Variants in TVP23C observed in about 807,000 individuals in gnomAD.
The protein encoded by TVP23C is Golgi apparatus membrane protein TVP23 homolog C.
A neutral mutation model predicts 28.7 loss-of-function variants in TVP23C; 19 were observed. That is an observed-to-expected ratio of 0.66 (90% CI 0.46 to 0.97). The LOEUF (loss-of-function observed/expected upper bound fraction) is 0.97, where lower values mean the gene tolerates loss of function less well. Ranked by LOEUF, TVP23C falls within the 50% of genes least tolerant of loss-of-function variation. The pLI is 0.00. For missense variants in TVP23C, 186 were observed against 241.3 expected, an observed-to-expected ratio of 0.77 and a Z score of 1.52; for synonymous variants, 68 against 81.7, an observed-to-expected ratio of 0.83 and a Z score of 0.90.
At chr17:15,519,334 T>C (rs1032705770) in intron 5 of TVP23C, among the ~76,000 whole-genome samples, 2 of 151,960 alleles carry the variant, frequency 1.3e-5, no homozygotes, top group African/African-American at 4.8e-5. Flanking sequence ...AAGCCAAGCA[T>C]GGTGGCTGCT....
chr17:15,524,708 G>C (rs57350285), intron 5 of TVP23C, among the ~76,000 whole-genome samples: 39,405 of 151,846 alleles, frequency 0.26, 5,815 homozygotes, highest in African/African-American at 0.41. Context: ...GGGTCCCAGA[G>C]GGATGCACAC....
chr17:15,512,518 G>A (rs1982042594), intron 5 of TVP23C, among the ~76,000 whole-genome samples: 2 of 152,132 alleles, frequency 1.3e-5, no homozygotes, highest in South Asian at 4.1e-4. Context: ...AATGTTCGAA[G>A]GTTCATAAGA....
chr17:15,508,259 G>A (rs1981852091), intron 5 of TVP23C, among the ~76,000 whole-genome samples: 2 of 152,224 alleles, frequency 1.3e-5, no homozygotes, highest in South Asian at 4.1e-4. Context: ...TGATTCTCTT[G>A]CCCACCTCCC....
At chr17:15,505,260 T>C (rs1448368930) in intron 5 of TVP23C, among the ~76,000 whole-genome samples, 1 of 152,214 alleles carries the variant, frequency 6.6e-6, no homozygotes, top group African/African-American at 2.4e-5. Context: ...TTTCCAATAT[T>C]CATGGAAATC....
intron 5 of TVP23C, among the ~76,000 whole-genome samples, chr17:15,516,828 G>A (rs1982248265): frequency 1.3e-5 from 2 of 152,170 alleles, no homozygotes; most frequent in African/African-American, 4.8e-5. Flanking sequence ...GTGTATCACA[G>A]ACCTGGGCAT....
chr17:15,534,786 T>C (rs2654274), downstream of TVP23C, among the ~76,000 whole-genome samples: 1,539 of 145,594 alleles, frequency 0.011, 9 homozygotes, highest in Non-Finnish European at 0.014. Context: ...CTGACCAACA[T>C]AGAGAAACCC....
At chr17:15,502,745 C>T (rs1037210754) in exon 6 of TVP23C, 6 of 1,020,544 alleles carry the variant, frequency 5.9e-6, no homozygotes, top group Non-Finnish European at 7.9e-6. Flanking sequence ...TCTCTCCTCT[C>T]TCCCGTCTCT....
At chr17:15,511,053 CAAAAAA>C (rs58794054) in intron 5 of TVP23C, among the ~76,000 whole-genome samples, 6 of 83,418 alleles carry the variant, frequency 7.2e-5, no homozygotes, top group South Asian at 5.7e-4. Flanking sequence ...GACTTCGTCT[CAAAAAA>C]AAAAAAAAAA....
At chr17:15,502,717 CT>C in exon 6 of TVP23C, 1 of 1,194,686 alleles carries the variant, frequency 8.4e-7, no homozygotes, top group Non-Finnish European at 1.1e-6. Flanking sequence ...CTTTCTCTCT[CT>C]CCTCTCTCTC....
chr17:15,563,172 A>ACC (rs368540118), intron 1 of TVP23C: 2 of 538,104 alleles, frequency 3.7e-6, no homozygotes, highest in African/African-American at 3.9e-5. Context: ...GGAAAGAGAG[A>ACC]CCCCCACTCG....
intron 5 of TVP23C, chr17:15,506,865 C>G: frequency 1.4e-6 from 1 of 708,342 alleles, no homozygotes; most frequent in Non-Finnish European, 2.5e-6. Context: ...CACTATCAGC[C>G]GTGGTCAACC....
chr17:15,512,510 T>G (rs543146340), intron 5 of TVP23C, among the ~76,000 whole-genome samples: 1 of 152,168 alleles, frequency 6.6e-6, no homozygotes, highest in Non-Finnish European at 1.5e-5. Context: ...ATCCCTGCAA[T>G]GTTCGAAGGT....
chr17:15,541,077 T>C (rs1983391780), intron 5 of TVP23C, among the ~76,000 whole-genome samples: 2 of 152,172 alleles, frequency 1.3e-5, no homozygotes, highest in African/African-American at 4.8e-5. Flanking sequence ...AACCGATGCC[T>C]GCCTTCCCCG....
chr17:15,502,858 T>A (rs757969191), exon 6 of TVP23C: 1 of 1,569,156 alleles, frequency 6.4e-7, no homozygotes, highest in African/African-American at 1.4e-5. Flanking sequence ...GATTTGTGGG[T>A]TGTTTTTAAT....
At chr17:15,510,190 G>A (rs1170855778) in intron 5 of TVP23C, among the ~76,000 whole-genome samples, 1 of 152,186 alleles carries the variant, frequency 6.6e-6, no homozygotes, top group Admixed American at 6.5e-5. Flanking sequence ...CGGGGTTCTA[G>A]TGAGGAGTTC....
intron 1 of TVP23C, among the ~76,000 whole-genome samples, chr17:15,556,384 T>C (rs1228693434): frequency 7.0e-6 from 1 of 142,634 alleles, no homozygotes; most frequent in African/African-American, 2.6e-5. Flanking sequence ...TTTTTTGAGA[T>C]GGAGTCTTGC....
At chr17:15,516,776 T>C (rs1393224463) in intron 5 of TVP23C, 1 of 152,186 alleles carries the variant, frequency 6.6e-6, no homozygotes, top group African/African-American at 2.4e-5. Flanking sequence ...AAGACTGTGT[T>C]TGAGGTGATG....
Position 15,538,666 on chromosome 17 carries a change from T to C in TVP23C, c.*1746A>G. On this transcript the variant is annotated 3_prime_UTR_variant, in exon 6 of 6. Coordinates refer to ENST00000518321, the MANE Select transcript of TVP23C (RefSeq NM_001135036.2). The stretch of plus-strand genomic sequence containing the variant: ...ATGGATACCATCATCCACCCAGCTG[T>C]CCAGTTTGTCTCATTTGAGCAGACG... 1.0e-6 allele frequency: 1 copy of C among 985,202 alleles called. No individual in the cohort carries two copies. The highest frequency in any genetic ancestry group is 1.7e-5 in the African/African-American group (1 of 57,194). The allele number at this position is 985,202 out of a possible 1,614,324, so 61.0% of individuals were successfully genotyped here.
intron 1 of TVP23C, chr17:15,562,828 C>A (rs1331582113): frequency 6.6e-6 from 1 of 152,312 alleles, no homozygotes; most frequent in Non-Finnish European, 1.5e-5. Context: ...CCTGGGCCTA[C>A]AACCGTGTCT....
Sources: allele counts gnomAD v4.1 joint callset (sites outside exome capture counted in the v4.1 genomes callset), GRCh38; gene constraint gnomAD v4.1.1; transcripts MANE v1.5; gene names NCBI Gene and HGNC (gene_info 2026-07-23, HGNC 2026-07-21).